Variants in ATXN7L3 observed in about 807,000 individuals in gnomAD.
ATXN7L3 encodes the protein ataxin-7-like protein 3.
A neutral mutation model predicts 50.0 loss-of-function variants in ATXN7L3; 6 were observed. That is an observed-to-expected ratio of 0.12 (90% CI 0.07 to 0.24). The LOEUF is 0.24. Among genes scored for constraint, ATXN7L3 ranks in the 10% least tolerant of loss-of-function variants. The pLI is 1.00. For synonymous variants in ATXN7L3, 198 were observed against 165.8 expected (o/e 1.19, Z -1.49); for missense variants, 322 against 451.3 (o/e 0.71, Z 2.60).
At position 44,192,772 on chromosome 17, in the gene ATXN7L3, T is replaced by C. The variant is rs1349531862; in HGVS notation, c.*1491A>G. On this transcript the variant is annotated 3_prime_UTR_variant, in exon 13 of 13. Coordinates refer to ENST00000587097, the MANE Select transcript of ATXN7L3 (RefSeq NM_001382309.1). The stretch of plus-strand genomic sequence containing the variant: ...ACAGGGCATTGCAGCCCCATCTCTG[T>C]TGTTCCCTTAACCCTCTAGGGTCCC... 1 of 152,208 alleles carries C rather than the reference T, an allele frequency of 6.6e-6. No individual in the cohort carries two copies. Among genetic ancestry groups the C allele is most frequent in the African/African-American group, 2.4e-5 (1 of 41,426 alleles). 9.4% of individuals were successfully genotyped at this position (152,208 alleles called of 1,614,324 possible).
At chr17:44,196,764 C>T (rs1198041959) in intron 5 of ATXN7L3, among the ~76,000 whole-genome samples, 165 bp downstream of exon 5, 1 of 110,512 alleles carries the variant, frequency 9.0e-6, no homozygotes, top group Non-Finnish European at 1.6e-5. Flanking sequence ...GGCCACAGAG[C>T]GAGAATCCAT....
chr17:44,195,193 G>A (rs745647250), intron 9 of ATXN7L3, 53 bp from the exon 10 acceptor site: 3 of 1,568,372 alleles, frequency 1.9e-6, no homozygotes, highest in Admixed American at 3.3e-5. Context: ...TACTCTAGAT[G>A]TTAGATGTTT....
chr17:44,197,509 G>A, intron 3 of ATXN7L3, 89 bp downstream of exon 3: 1 of 1,594,984 alleles, frequency 6.3e-7, no homozygotes. Flanking sequence ...GGAGCTCCAG[G>A]TGCTACATCT....
intron 10 of ATXN7L3, 92 bp downstream of exon 10, chr17:44,195,005 G>A: frequency 1.3e-6 from 2 of 1,513,468 alleles, no homozygotes; most frequent in South Asian, 1.1e-5. Context: ...AAGGGCAGGA[G>A]CCCCATTGCT....
In ATXN7L3 at chr17:44,197,028, T is replaced by TGCCAAGGGGAGGGAAGAGAAAGGG; in HGVS notation, c.357-26_357-3dup. 1.2e-6 allele frequency: 2 copies of TGCCAAGGGGAGGGAAGAGAAAGGG among 1,609,474 alleles called. No individual in the cohort carries two copies. The highest frequency in any genetic ancestry group is 1.7e-6 in the Non-Finnish European group (2 of 1,176,012). On this transcript the variant is annotated splice_polypyrimidine_tract_variant and splice_region_variant and intron_variant, in intron 4 of 12. Coordinates refer to ENST00000587097, the MANE Select transcript of ATXN7L3 (RefSeq NM_001382309.1). ...TTCATATTGTTGCTATTGGCAATCCTGCCAAGGGGAGGGAAGAGAAAGGGG... is the reference window on the plus strand; with the variant it reads ...TTCATATTGTTGCTATTGGCAATCCTGCCAAGGGGAGGGAAGAGAAAGGGGCCAAGGGGAGGGAAGAGAAAGGGG...
chr17:44,194,687 T>G lies in ATXN7L3; in HGVS notation c.738-13A>C, dbSNP rs1216244444. The G allele has an allele frequency of 1.2e-6, 2 of 1,613,794 alleles. No individual in the cohort carries two copies. The highest frequency in any genetic ancestry group is 2.2e-5 in the East Asian group (1 of 44,870). ...CTCTGGAAGGACACTGGAAAGGGGA[T>G]GAGCCAAAGAAGGGCTTTAGAGATA... On this transcript the variant is annotated splice_polypyrimidine_tract_variant and intron_variant, in intron 11 of 12. Transcript: ENST00000587097.
chr17:44,196,969 G>A lies in ATXN7L3; in HGVS notation c.414C>T (p.Asp138=), dbSNP rs1278102786. 1 of 1,613,602 alleles carries A rather than the reference G, an allele frequency of 6.2e-7. No homozygotes were observed. The highest frequency in any genetic ancestry group is 1.1e-5 in the South Asian group (1 of 91,056). ...KSESDQEDND[D]INDNDWSYGS... ...CATAGGACCAGTCGTTGTCATTGAT[G>A]TCATCATTATCTTCTTGGTCACTCT... The change falls in exon 5 of 13, where the codon GAC becomes GAT. Residue 138 remains aspartate (D), a synonymous_variant. Transcript: ENST00000587097.
At chr17:44,196,188 C>A in intron 6 of ATXN7L3, 109 bp from the exon 7 acceptor site, 3 of 1,372,450 alleles carry the variant, frequency 2.2e-6, no homozygotes, top group South Asian at 1.2e-5. Flanking sequence ...AATTCCTACT[C>A]TTCCTCCCCA....
chr17:44,196,548 G>C (rs943191919), intron 5 of ATXN7L3, 130 bp from the exon 6 acceptor site: 6 of 1,155,216 alleles, frequency 5.2e-6, no homozygotes, highest in Non-Finnish European at 7.6e-6. Context: ...GGGAGGCCCA[G>C]GCGGGCAGAT....
rs772626144 is a variant in ATXN7L3, at chr17:44,194,218, GGAGA to G, written c.*41_*44del. The G allele has an allele frequency of 1.2e-6, 2 of 1,604,996 alleles. No homozygotes were observed. Among genetic ancestry groups the G allele is most frequent in the Admixed American group, 1.7e-5 (1 of 59,096 alleles). On this transcript the variant is annotated 3_prime_UTR_variant, in exon 13 of 13. Coordinates refer to ENST00000587097, the MANE Select transcript of ATXN7L3 (RefSeq NM_001382309.1). ...GGCTATGCCACCTGGGTGGGGGTCA[GGAGA>G]GAGGGCTCTGCTCAGCCAAAGGCTA...
chr17:44,196,648 C>T (rs1196804879), intron 5 of ATXN7L3, among the ~76,000 whole-genome samples: 1 of 151,602 alleles, frequency 6.6e-6, no homozygotes, highest in Non-Finnish European at 1.5e-5. Flanking sequence ...CATGGTAGCA[C>T]GCGACTGTAA....
In ATXN7L3 at chr17:44,196,424, G is replaced by A. The variant is rs370348111; in HGVS notation, c.455-6C>T. The A allele has an allele frequency of 2.5e-6, 4 of 1,613,912 alleles. No homozygotes were observed. The highest frequency in any genetic ancestry group is 2.5e-6 in the Non-Finnish European group (3 of 1,179,982). On this transcript the variant is annotated splice_region_variant and splice_polypyrimidine_tract_variant and intron_variant, in intron 5 of 12. Coordinates refer to ENST00000587097, the MANE Select transcript of ATXN7L3 (RefSeq NM_001382309.1). ...GTCTGACTTTCTCTTCTTGGCTGTG[G>A]GAAACAAAAGCATAAAGAGCAGGGT...
intron 6 of ATXN7L3, 147 bp from the exon 7 acceptor site, chr17:44,196,226 T>TCCCCCCCCCCCCCTAGCCCCC: frequency 1.4e-6 from 1 of 737,704 alleles, no homozygotes; most frequent in Non-Finnish European, 2.1e-6. Context: ...CCATGTGCCC[T>TCCCCCCCCCCCCCTAGCCCCC]CCCCCACCCC....
intron 6 of ATXN7L3, 46 bp downstream of exon 6, chr17:44,196,350 T>C (rs1206962080): frequency 6.2e-7 from 1 of 1,610,446 alleles, no homozygotes; most frequent in African/African-American, 1.3e-5. Context: ...GGGGAGGGTA[T>C]CTGTCCTTTA....
intron 6 of ATXN7L3, 147 bp from the exon 7 acceptor site, chr17:44,196,226 T>TCCCCCCCCCCCCCAACCCCC: frequency 1.4e-6 from 1 of 737,704 alleles, no homozygotes; most frequent in Non-Finnish European, 2.1e-6. Flanking sequence ...CCATGTGCCC[T>TCCCCCCCCCCCCCAACCCCC]CCCCCACCCC....
Position 44,196,988 on chromosome 17 carries a change from T to G in ATXN7L3, c.395A>C (p.Asp132Ala). The change falls in exon 5 of 13, where the codon GAC becomes GCC. Residue 132 changes from aspartate (D) to alanine (A), a missense_variant. By Grantham distance (126) the Asp-to-Ala change is moderately radical. Around this residue, in one of 5 missense-constraint regions of ATXN7L3, gnomAD observed 95 missense variants for 98.1 expected, o/e 0.97. Coordinates refer to ENST00000587097, the MANE Select transcript of ATXN7L3 (RefSeq NM_001382309.1). ...ATTGATGTCATCATTATCTTCTTGGTCACTCTCAGACTTATTCATATTGTT... is the reference window on the plus strand; with the variant it reads ...ATTGATGTCATCATTATCTTCTTGGGCACTCTCAGACTTATTCATATTGTT... ...NSNNMNKSES[D>A]QEDNDDINDN... 6.2e-7 allele frequency: 1 copy of G among 1,613,624 alleles called. No individual in the cohort carries two copies.
rs912941437 is a variant in ATXN7L3, at chr17:44,192,393, G to T, written c.*1870C>A. On this transcript the variant is annotated 3_prime_UTR_variant, in exon 13 of 13. Coordinates refer to ENST00000587097, the MANE Select transcript of ATXN7L3 (RefSeq NM_001382309.1). ...CACTTCTCCCTCCTCCAACCAGAAG[G>T]GGGGAAAAGGGAGAGGCCACAGGGC... The T allele has an allele frequency of 2.0e-5, 3 of 152,260 alleles. No individual in the cohort carries two copies. The highest frequency in any genetic ancestry group is 2.9e-5 in the Non-Finnish European group (2 of 68,092). 9.4% of individuals were successfully genotyped at this position (152,260 alleles called of 1,614,324 possible).
At chr17:44,195,524 C>T (rs1395431722) in intron 8 of ATXN7L3, 37 bp from the exon 9 acceptor site, 1 of 1,584,086 alleles carries the variant, frequency 6.3e-7, no homozygotes, top group African/African-American at 1.3e-5. Flanking sequence ...AGAGATGGGG[C>T]AGAGAAAAGA....
Position 44,194,358 on chromosome 17 carries a change from G to A in ATXN7L3, c.949C>T (p.Leu317=). Residue 317 remains leucine (L), a synonymous_variant, in exon 13 of 13, where the codon CTG becomes TTG. Transcript: ENST00000587097. ...CCTAGGCCGGAGGCAGTCCCTACCA[G>A]GCTCAGATGGGATTTCTTTTTCTTG... ...KTKKKKSHLS[L]VGTASGLGSN... 1 of 1,614,226 alleles carries A rather than the reference G, an allele frequency of 6.2e-7. No individual in the cohort carries two copies. Among genetic ancestry groups the A allele is most frequent in the Admixed American group, 1.7e-5 (1 of 60,030 alleles).
Sources: allele counts gnomAD v4.1 joint callset (sites outside exome capture counted in the v4.1 genomes callset), GRCh38; gene constraint gnomAD v4.1.1; regional missense constraint gnomAD v4.1.1; transcripts MANE v1.5; gene names NCBI Gene and HGNC (gene_info 2026-07-23, HGNC 2026-07-21).